SGCZ: variants seen among roughly 807,000 people sequenced by gnomAD.
SGCZ encodes the protein sarcoglycan zeta.
A neutral mutation model predicts 41.3 loss-of-function variants in SGCZ; 40 were observed. The ratio of observed to expected loss-of-function variants is 0.97; its 90% confidence interval spans 0.75 to 1.26. SGCZ has a LOEUF of 1.26. Ranked by LOEUF, SGCZ falls within the 50% of genes most tolerant of loss-of-function variation. SGCZ has a pLI of 0.00. For missense variants in SGCZ, 552 were observed against 369.8 expected (o/e 1.49, Z -4.04); for synonymous variants, 206 against 137.5 (o/e 1.50, Z -3.49).
intron 7 of SGCZ, among the ~76,000 whole-genome samples, chr8:14,093,834 T>G (rs1563121617): frequency 6.6e-6 from 1 of 152,140 alleles, no homozygotes; most frequent in African/African-American, 2.4e-5. Context: ...CTAATCTTTC[T>G]TCTCTCATTA....
chr8:14,679,396 G>A (rs1808371101), intron 1 of SGCZ, among the ~76,000 whole-genome samples: 1 of 151,844 alleles, frequency 6.6e-6, no homozygotes. Flanking sequence ...GGTACAAGAT[G>A]TACAGGGGGA....
intron 1 of SGCZ, among the ~76,000 whole-genome samples, chr8:15,110,863 G>T (rs964815362): frequency 6.6e-6 from 1 of 152,160 alleles, no homozygotes; most frequent in African/African-American, 2.4e-5. Context: ...AGCTACTTAA[G>T]AGGCTGAGGC....
chr8:14,421,150 G>A (rs1246870595), intron 2 of SGCZ, among the ~76,000 whole-genome samples: 1 of 152,022 alleles, frequency 6.6e-6, no homozygotes, highest in Non-Finnish European at 1.5e-5. Context: ...ATGTCAGAAT[G>A]CCTTCGTATG....
chr8:14,826,636 T>G (rs1172945991), intron 1 of SGCZ, among the ~76,000 whole-genome samples: 1 of 152,166 alleles, frequency 6.6e-6, no homozygotes, highest in Non-Finnish European at 1.5e-5. Context: ...CTAACTAGTG[T>G]GAGATGGTAT....
chr8:14,233,124 C>T (rs1157361043), intron 4 of SGCZ, among the ~76,000 whole-genome samples: 1 of 151,936 alleles, frequency 6.6e-6, no homozygotes, highest in East Asian at 1.9e-4. Context: ...CTAGCTCTAC[C>T]AGTTAAGATT....
chr8:14,569,948 CTT>C (rs34294327), intron 1 of SGCZ, among the ~76,000 whole-genome samples: 29 of 143,066 alleles, frequency 2.0e-4, no homozygotes, highest in Admixed American at 3.5e-4. Context: ...GCACTGGAAT[CTT>C]TTTTTTTTTT....
intron 1 of SGCZ, among the ~76,000 whole-genome samples, chr8:14,655,639 C>G (rs891866680): frequency 2.0e-5 from 3 of 151,916 alleles, no homozygotes; most frequent in Non-Finnish European, 2.9e-5. Flanking sequence ...CCAATTTCAC[C>G]CAATGGGAGT....
intron 4 of SGCZ, among the ~76,000 whole-genome samples, chr8:14,184,401 C>A (rs1804836244): frequency 6.6e-6 from 1 of 152,046 alleles, no homozygotes. Context: ...TTATGTAATC[C>A]AGAGTATTAA....
At chr8:15,044,891 A>G (rs7002722) in intron 1 of SGCZ, among the ~76,000 whole-genome samples, 43,899 of 151,866 alleles carry the variant, frequency 0.29, 6,360 homozygotes, top group Middle Eastern at 0.39. Context: ...AAGAGTGGCT[A>G]TAATAGTATG....
intron 1 of SGCZ, among the ~76,000 whole-genome samples, chr8:14,810,616 T>C (rs1563285876): frequency 6.6e-6 from 1 of 152,006 alleles, no homozygotes; most frequent in Non-Finnish European, 1.5e-5. Flanking sequence ...TTAAACAACA[T>C]CAGTTCATTG....
chr8:15,075,877 A>T (rs1425945918), intron 1 of SGCZ, among the ~76,000 whole-genome samples: 1 of 152,164 alleles, frequency 6.6e-6, no homozygotes, highest in Non-Finnish European at 1.5e-5. Flanking sequence ...TTTAAGCATC[A>T]GTGAATCACT....
At chr8:14,211,650 GGAGAGA>G (rs35869144) in intron 4 of SGCZ, among the ~76,000 whole-genome samples, 4 of 150,060 alleles carry the variant, frequency 2.7e-5, no homozygotes, top group African/African-American at 7.3e-5. Context: ...CAATTAAGCA[GGAGAGA>G]GAGAGAGAGA....
chr8:14,990,835 G>A (rs1042907167), intron 1 of SGCZ, among the ~76,000 whole-genome samples: 1 of 152,208 alleles, frequency 6.6e-6, no homozygotes, highest in Non-Finnish European at 1.5e-5. Context: ...GGGGACCGCT[G>A]CCTTGAGGTA....
At chr8:15,104,606 C>A (rs1414733176) in intron 1 of SGCZ, among the ~76,000 whole-genome samples, 1 of 152,204 alleles carries the variant, frequency 6.6e-6, no homozygotes, top group Non-Finnish European at 1.5e-5. Context: ...TGTTTATACA[C>A]ATAAACTATT....
rs184323567 is a variant in SGCZ, at chr8:14,346,283, A to T, written c.235-22079T>A. Among the ~76,000 whole-genome samples, 13 of 152,196 alleles carry T rather than the reference A, an allele frequency of 8.5e-5. No homozygotes were observed. In the East Asian group the frequency reaches 2.5e-3, roughly 29 times the overall value. On this transcript the variant is annotated intron_variant, in intron 2 of 7. Transcript: ENST00000382080. The stretch of plus-strand genomic sequence containing the variant: ...ACTCCTCAAAAAGTAAAATCTATTA[A>T]TTAAAAAATTCTACTGTAGTATTTT...
chr8:15,216,571 G>T (rs1165345673), intron 1 of SGCZ, among the ~76,000 whole-genome samples: 1 of 151,938 alleles, frequency 6.6e-6, no homozygotes, highest in African/African-American at 2.4e-5. Flanking sequence ...TGTACAAGTT[G>T]TGTATAAATA....
chr8:14,486,443 T>C (rs1801677267), intron 2 of SGCZ, among the ~76,000 whole-genome samples: 1 of 152,224 alleles, frequency 6.6e-6, no homozygotes, highest in Non-Finnish European at 1.5e-5. Context: ...GTATTTGGTG[T>C]CTTGCTGGCT....
intron 1 of SGCZ, among the ~76,000 whole-genome samples, chr8:15,038,569 C>A: frequency 6.6e-6 from 1 of 150,490 alleles, no homozygotes. Flanking sequence ...TTAGATGTAA[C>A]CCCAAACGCA....
intron 1 of SGCZ, among the ~76,000 whole-genome samples, chr8:15,050,540 G>T (rs959810487): frequency 1.3e-5 from 2 of 152,158 alleles, no homozygotes; most frequent in African/African-American, 4.8e-5. Context: ...TGTAAGAAGA[G>T]AACTATGAGT....
Sources: allele counts gnomAD v4.1 joint callset (sites outside exome capture counted in the v4.1 genomes callset), GRCh38; gene constraint gnomAD v4.1.1; transcripts MANE v1.5; gene names NCBI Gene and HGNC (gene_info 2026-07-23, HGNC 2026-07-21).